APBB1IP: variants seen among roughly 807,000 people sequenced by gnomAD.
APBB1IP encodes the protein amyloid beta A4 precursor protein-binding family B member 1-interacting protein.
A neutral mutation model predicts 64.9 loss-of-function variants in APBB1IP; 27 were observed. That is an observed-to-expected ratio of 0.42 (90% CI 0.31 to 0.57). APBB1IP has a LOEUF of 0.57. Among genes scored for constraint, APBB1IP ranks in the 20% least tolerant of loss-of-function variants. The pLI is 0.20. For synonymous variants in APBB1IP, 392 were observed against 331.0 expected, an observed-to-expected ratio of 1.18 and a Z score of -2.00; for missense variants, 812 against 845.5, an observed-to-expected ratio of 0.96 and a Z score of 0.49.
chr10:26,512,271 A>T (rs923852318), intron 7 of APBB1IP, among the ~76,000 whole-genome samples: 1 of 152,224 alleles, frequency 6.6e-6, no homozygotes, highest in Non-Finnish European at 1.5e-5. Flanking sequence ...AAGCACTATT[A>T]CTGCTGCTTC....
chr10:26,548,426 G>C (rs1359530957), intron 11 of APBB1IP, among the ~76,000 whole-genome samples: 1 of 146,996 alleles, frequency 6.8e-6, no homozygotes, highest in East Asian at 2.0e-4. Flanking sequence ...CTTTGAATCT[G>C]TAAATTACTT....
intron 2 of APBB1IP, among the ~76,000 whole-genome samples, chr10:26,440,189 C>T (rs2132388517): frequency 6.6e-6 from 1 of 152,134 alleles, no homozygotes; most frequent in South Asian, 2.1e-4. Context: ...CTTATATCTC[C>T]CCCATCTAGA....
At chr10:26,501,290 G>A in intron 5 of APBB1IP, 179 bp downstream of exon 5, 2 of 793,400 alleles carry the variant, frequency 2.5e-6, no homozygotes, top group Non-Finnish European at 3.9e-6. Context: ...AGCCACATGG[G>A]TGTGTATCAA....
intron 4 of APBB1IP, among the ~76,000 whole-genome samples, chr10:26,498,082 A>G (rs1036444145): frequency 6.6e-6 from 1 of 152,166 alleles, no homozygotes; most frequent in Non-Finnish European, 1.5e-5. Context: ...ATTAAGTGCC[A>G]GTGACTCTTT....
intron 2 of APBB1IP, among the ~76,000 whole-genome samples, chr10:26,488,870 A>G (rs1433826464): frequency 6.6e-6 from 1 of 152,006 alleles, no homozygotes; most frequent in African/African-American, 2.4e-5. Context: ...GTGTGGTCTG[A>G]CCCTTAGCAT....
At chr10:26,438,907 G>C (rs922274028) in intron 2 of APBB1IP, 54 bp downstream of exon 2, 4 of 152,230 alleles carry the variant, frequency 2.6e-5, no homozygotes, top group South Asian at 2.1e-4. Flanking sequence ...CGGGCCCCTC[G>C]GGGCTGTCAG....
At chr10:26,523,891 C>T (rs1363891065) in intron 8 of APBB1IP, among the ~76,000 whole-genome samples, 1 of 152,144 alleles carries the variant, frequency 6.6e-6, no homozygotes, top group African/African-American at 2.4e-5. Context: ...TCAGGCTTCC[C>T]CATGGTTAAC....
rs192221765 is a variant in APBB1IP at position 26,558,305 on chromosome 10, T to C, written c.1156-1800T>C. ...TTGCCGGCCCCTCGCCTGATGACGGTGATTTCTAACTGAACAGGAAATATT... is the reference window on the plus strand; with the variant it reads ...TTGCCGGCCCCTCGCCTGATGACGGCGATTTCTAACTGAACAGGAAATATT... On this transcript the variant is annotated intron_variant, in intron 11 of 14. Transcript: ENST00000376236. Among the ~76,000 whole-genome samples, 175 of 152,294 alleles carry C rather than the reference T, an allele frequency of 1.1e-3. 1 individual carries two copies. In the Middle Eastern group the frequency reaches 0.037, roughly 33 times the overall value.
intron 2 of APBB1IP, among the ~76,000 whole-genome samples, chr10:26,469,566 A>G (rs1296806729): frequency 6.6e-6 from 1 of 151,970 alleles, no homozygotes; most frequent in African/African-American, 2.4e-5. Flanking sequence ...AGCATTTTCT[A>G]TTTTTTAATT....
intron 9 of APBB1IP, among the ~76,000 whole-genome samples, chr10:26,535,759 C>A (rs1836614530): frequency 6.6e-6 from 1 of 152,144 alleles, no homozygotes; most frequent in South Asian, 2.1e-4. Flanking sequence ...ACTGTACTGA[C>A]AACCTACCTT....
chr10:26,488,617 C>T (rs1024155095), intron 2 of APBB1IP, among the ~76,000 whole-genome samples: 1 of 152,188 alleles, frequency 6.6e-6, no homozygotes, highest in African/African-American at 2.4e-5. Flanking sequence ...GAAATGACTC[C>T]TCATGCTGAC....
intron 11 of APBB1IP, among the ~76,000 whole-genome samples, chr10:26,549,865 T>C (rs1224059220): frequency 6.6e-6 from 1 of 152,092 alleles, no homozygotes; most frequent in Non-Finnish European, 1.5e-5. Flanking sequence ...CTGATCTTTA[T>C]TATTTCTTTT....
At chr10:26,564,694 T>C (rs562143403) in intron 14 of APBB1IP, among the ~76,000 whole-genome samples, 1 of 151,936 alleles carries the variant, frequency 6.6e-6, no homozygotes, top group African/African-American at 2.4e-5. Flanking sequence ...TTCCAGCTAA[T>C]CCGGAGGCTG....
At chr10:26,487,633 G>A (rs1220311821) in intron 2 of APBB1IP, among the ~76,000 whole-genome samples, 1 of 152,142 alleles carries the variant, frequency 6.6e-6, no homozygotes, top group Non-Finnish European at 1.5e-5. Context: ...TGCAGGGAGA[G>A]GTCACGAGAA....
chr10:26,462,161 ACCTG>A lies in APBB1IP; in HGVS notation c.-1+23309_-1+23312del, dbSNP rs59865267. 9.4e-3 allele frequency among the ~76,000 whole-genome samples: 1,424 copies of A among 152,166 alleles called. 11 individuals are homozygous for A. The highest frequency in any genetic ancestry group is 0.037 in the Middle Eastern group (11 of 294). ...TGACAAAGACCATCTGACTTGCAAA[ACCTG>A]AAGTATTTGCTGTCTTGTCCCTTAT... On this transcript the variant is annotated intron_variant, in intron 2 of 14. Coordinates refer to ENST00000376236, the MANE Select transcript of APBB1IP (RefSeq NM_019043.4).
chr10:26,496,436 G>T, intron 4 of APBB1IP, 45 bp downstream of exon 4: 2 of 1,425,276 alleles, frequency 1.4e-6, no homozygotes, highest in Non-Finnish European at 2.0e-6. Context: ...AAATCATAAT[G>T]ATGATTCAAA....
chr10:26,510,335 A>G (rs1383192864), intron 6 of APBB1IP, among the ~76,000 whole-genome samples: 1 of 152,234 alleles, frequency 6.6e-6, no homozygotes, highest in Admixed American at 6.5e-5. Flanking sequence ...TTTTTACTGA[A>G]GATAAGTAAA....
intron 11 of APBB1IP, among the ~76,000 whole-genome samples, chr10:26,559,242 A>G (rs2132482627): frequency 6.6e-6 from 1 of 152,274 alleles, no homozygotes; most frequent in African/African-American, 2.4e-5. Flanking sequence ...AAAGGCATAA[A>G]TGAAAATTAT....
chr10:26,510,051 C>T (rs1175819231), intron 6 of APBB1IP, among the ~76,000 whole-genome samples: 1 of 152,150 alleles, frequency 6.6e-6, no homozygotes, highest in African/African-American at 2.4e-5. Flanking sequence ...CTCACTGCAA[C>T]CTCTGCCTCC....
Sources: gnomAD v4.1 joint callset for allele counts (sites outside exome capture counted in the v4.1 genomes callset) on GRCh38, gnomAD v4.1.1 for gene constraint, MANE v1.5 for transcripts, NCBI Gene and HGNC (gene_info 2026-07-23, HGNC 2026-07-21) for gene names.